RCC2: variants seen among roughly 807,000 people sequenced by gnomAD.
RCC2 encodes regulator of chromosome condensation 2.
RCC2 carries 19 observed loss-of-function variants against 64.1 expected under a neutral mutation model. The ratio of observed to expected loss-of-function variants is 0.30; its 90% CI spans 0.21 to 0.44. The LOEUF is 0.44. Ranked by LOEUF, RCC2 falls within the 20% of genes least tolerant of loss-of-function variation. RCC2 has a pLI of 1.00. For missense variants in RCC2, 508 were observed against 710.4 expected (o/e 0.72, Z 3.24); for synonymous variants, 325 against 279.6 (o/e 1.16, Z -1.62).
intron 4 of RCC2, among the ~76,000 whole-genome samples, chr1:17,424,119 G>A (rs1415314923): frequency 6.6e-6 from 1 of 152,176 alleles, no homozygotes; most frequent in Non-Finnish European, 1.5e-5. Context: ...AGGGTGAGCG[G>A]GCCACAGATG....
intron 3 of RCC2, among the ~76,000 whole-genome samples, chr1:17,427,788 C>T (rs1241254188): frequency 6.6e-6 from 1 of 151,998 alleles, no homozygotes; most frequent in Non-Finnish European, 1.5e-5. Flanking sequence ...TTTCTTCCGG[C>T]CTCCCAAGGA....
chr1:17,415,618 G>C (rs1016266549), intron 8 of RCC2, among the ~76,000 whole-genome samples: 2 of 151,960 alleles, frequency 1.3e-5, no homozygotes, highest in African/African-American at 4.8e-5. Flanking sequence ...GCTGAGGCAG[G>C]AGAATAGCTT....
chr1:17,412,231 C>T (rs2075434806), intron 10 of RCC2, 37 bp from the exon 11 acceptor site: 4 of 1,599,244 alleles, frequency 2.5e-6, no homozygotes, highest in East Asian at 4.5e-5. Flanking sequence ...GGGCCAGCAG[C>T]CCCAGACCTG....
intron 3 of RCC2, among the ~76,000 whole-genome samples, chr1:17,426,950 A>G (rs2075623890): frequency 6.6e-6 from 1 of 151,780 alleles, no homozygotes; most frequent in Non-Finnish European, 1.5e-5. Flanking sequence ...TTTAGTAGAG[A>G]GGGTTTCACC....
chr1:17,437,434 G>A (rs1444474801), intron 2 of RCC2, among the ~76,000 whole-genome samples: 1 of 151,758 alleles, frequency 6.6e-6, no homozygotes, highest in African/African-American at 2.4e-5. Flanking sequence ...GGCAGATGCC[G>A]GGTTCAGATC....
At chr1:17,424,019 C>T (rs1435781918) in intron 4 of RCC2, among the ~76,000 whole-genome samples, 1 of 152,216 alleles carries the variant, frequency 6.6e-6, no homozygotes, top group Non-Finnish European at 1.5e-5. Flanking sequence ...GATACACCAG[C>T]TTCCAATGGG....
intron 7 of RCC2, 94 bp from the exon 8 acceptor site, chr1:17,416,740 AC>A (rs1352598641): frequency 1.5e-6 from 2 of 1,344,520 alleles, no homozygotes; most frequent in African/African-American, 2.9e-5. Context: ...CCCCGGCAGC[AC>A]CCCAATCTGG....
At chr1:17,434,483 T>TC (rs368908938) in intron 2 of RCC2, among the ~76,000 whole-genome samples, 456 of 152,286 alleles carry the variant, frequency 3.0e-3, no homozygotes, top group African/African-American at 0.011. Context: ...GCCTTACAGG[T>TC]CTCTTTATCC....
intron 2 of RCC2, among the ~76,000 whole-genome samples, chr1:17,436,243 G>A (rs1399755397): frequency 6.6e-6 from 1 of 152,186 alleles, no homozygotes; most frequent in East Asian, 1.9e-4. Context: ...GCTCGCGCCT[G>A]TCATCCCAGC....
chr1:17,422,707 G>A lies in RCC2; in HGVS notation c.653C>T (p.Thr218Met), dbSNP rs982310017. The A allele has an allele frequency of 1.2e-5, 19 of 1,613,782 alleles. No individual in the cohort carries two copies. Among genetic ancestry groups the A allele is most frequent in the Middle Eastern group, 1.7e-4 (1 of 6,054 alleles). Residue 218 changes from threonine (T) to methionine (M), a missense_variant and splice_region_variant, in exon 5 of 13, where the codon ACG (threonine) becomes ATG (methionine). This residue lies in a region of RCC2 where 132 missense variants were observed against 207.3 expected (regional missense o/e 0.64). Coordinates refer to ENST00000375436, the MANE Select transcript of RCC2 (RefSeq NM_018715.4). The stretch of plus-strand genomic sequence containing the variant: ...GACACCAGCAGCCACCTCCTTACCC[G>A]TCAAGGCCAAGGTGTGGTTCCGCCC... ...ACGRNHTLAL[T>M]ETGSVFAFGE... is the part of the protein sequence containing the mutation.
chr1:17,419,497 A>G (rs1054744242), intron 7 of RCC2, among the ~76,000 whole-genome samples: 4 of 152,230 alleles, frequency 2.6e-5, no homozygotes, highest in African/African-American at 9.7e-5. Context: ...TGGACAACGA[A>G]ACAAACACCT....
chr1:17,416,107 T>A, intron 8 of RCC2, among the ~76,000 whole-genome samples: 1 of 140,578 alleles, frequency 7.1e-6, no homozygotes. Context: ...GACAACCTAC[T>A]GATTAAAAAC....
chr1:17,424,762 C>T (rs1054636897), intron 4 of RCC2, among the ~76,000 whole-genome samples: 1 of 152,184 alleles, frequency 6.6e-6, no homozygotes, highest in African/African-American at 2.4e-5. Context: ...ATATGCCCCG[C>T]TGGAGGCAGA....
chr1:17,418,716 G>A (rs866888200), intron 7 of RCC2, among the ~76,000 whole-genome samples: 6 of 152,246 alleles, frequency 3.9e-5, no homozygotes, highest in South Asian at 2.1e-4. Flanking sequence ...TCTAGGCTAC[G>A]ATGAATGTAA....
chr1:17,417,921 C>T (rs1328086155), intron 7 of RCC2, among the ~76,000 whole-genome samples: 1 of 151,982 alleles, frequency 6.6e-6, no homozygotes, highest in Non-Finnish European at 1.5e-5. Context: ...ATAATACAAA[C>T]AATACAAGTA....
chr1:17,423,456 C>A (rs2075578440), intron 4 of RCC2, among the ~76,000 whole-genome samples: 1 of 152,218 alleles, frequency 6.6e-6, no homozygotes, highest in Admixed American at 6.5e-5. Flanking sequence ...CACAACACGC[C>A]CAGCCCCACC....
chr1:17,428,304 G>C (rs921977726), intron 3 of RCC2, among the ~76,000 whole-genome samples: 30 of 152,250 alleles, frequency 2.0e-4, no homozygotes, highest in African/African-American at 7.0e-4. Context: ...CCTCTGGCTT[G>C]GGCCTGAAGG....
At chr1:17,431,640 T>C (rs2100391110) in intron 2 of RCC2, among the ~76,000 whole-genome samples, 1 of 151,930 alleles carries the variant, frequency 6.6e-6, no homozygotes, top group South Asian at 2.1e-4. Flanking sequence ...ATTACACATC[T>C]TCATGACGGA....
chr1:17,431,359 A>AAAAATATAT (rs1553158471), intron 2 of RCC2, among the ~76,000 whole-genome samples: 3 of 44,932 alleles, frequency 6.7e-5, no homozygotes, highest in African/African-American at 1.1e-4. Flanking sequence ...AAAAAAAAAA[A>AAAAATATAT]ATATATATAT....
Sources: allele counts gnomAD v4.1 joint callset (sites outside exome capture counted in the v4.1 genomes callset), GRCh38; gene constraint gnomAD v4.1.1; regional missense constraint gnomAD v4.1.1; transcripts MANE v1.5; gene names NCBI Gene and HGNC (gene_info 2026-07-23, HGNC 2026-07-21).